SOX5: variants seen among roughly 807,000 people sequenced by gnomAD.
SOX5 encodes the protein SRY-box transcription factor 5.
SOX5 carries 9 observed loss-of-function variants against 92.0 expected under a neutral mutation model. The ratio of observed to expected loss-of-function variants is 0.10; its 90% CI spans 0.06 to 0.17. The LOEUF is 0.17. Ranked by LOEUF, SOX5 falls within the 10% of genes least tolerant of loss-of-function variation. The pLI is 1.00. For synonymous variants in SOX5, 344 were observed against 336.3 expected (o/e 1.02, Z -0.25); for missense variants, 642 against 944.5 (o/e 0.68, Z 4.20).
intron 3 of SOX5, among the ~76,000 whole-genome samples, chr12:24,254,718 A>AATATATATATATATATATATATAT (rs10556060): frequency 5.2e-4 from 76 of 146,664 alleles, no homozygotes; most frequent in East Asian, 2.8e-3. Context: ...GGGCTGCTCA[A>AATATATATATATATATATATATAT]ATATATATAT....
chr12:23,587,047 C>G (rs1736565335), intron 9 of SOX5, among the ~76,000 whole-genome samples: 1 of 151,292 alleles, frequency 6.6e-6, no homozygotes, highest in South Asian at 2.1e-4. Flanking sequence ...TACTTAAAGC[C>G]CAATATACTA....
At chr12:23,897,032 T>A (rs1015306669) in intron 1 of SOX5, among the ~76,000 whole-genome samples, 14 of 152,260 alleles carry the variant, frequency 9.2e-5, no homozygotes, top group African/African-American at 3.1e-4. Context: ...ATAGAAATAA[T>A]GACAAGTTAA....
intron 4 of SOX5, among the ~76,000 whole-genome samples, chr12:24,072,575 C>T (rs1476768850): frequency 6.6e-6 from 1 of 152,192 alleles, no homozygotes; most frequent in Non-Finnish European, 1.5e-5. Context: ...GGGATGACGG[C>T]TCTTGCCCAA....
At chr12:24,070,089 C>T (rs916829045) in intron 4 of SOX5, among the ~76,000 whole-genome samples, 14 of 152,202 alleles carry the variant, frequency 9.2e-5, no homozygotes, top group African/African-American at 3.1e-4. Context: ...CTGAGTTTGC[C>T]GCAACAACAC....
At chr12:24,121,774 T>C (rs1009963111) in intron 4 of SOX5, among the ~76,000 whole-genome samples, 7 of 149,368 alleles carry the variant, frequency 4.7e-5, no homozygotes, top group Admixed American at 2.7e-4. Flanking sequence ...TAGTCCAAGA[T>C]GTTTGGGAGG....
At chr12:24,064,771 G>A (rs1940373412) in intron 4 of SOX5, among the ~76,000 whole-genome samples, 1 of 152,110 alleles carries the variant, frequency 6.6e-6, no homozygotes, top group Non-Finnish European at 1.5e-5. Context: ...ACAGAATAAT[G>A]ATCATCTATA....
At chr12:23,549,390 G>T (rs1005601786) in intron 11 of SOX5, among the ~76,000 whole-genome samples, 1 of 151,668 alleles carries the variant, frequency 6.6e-6, no homozygotes, top group Non-Finnish European at 1.5e-5. Flanking sequence ...TAAAAATCAC[G>T]GCTCTGATAA....
rs781391946 is a variant in SOX5, at chr12:23,533,216, G to A, written c.*1003C>T. Reference sequence around the variant, plus strand: ...TGGGTTTAACTCACAATGGTCCAACGTTATTCCTATTATTAGTACCATAAT... The same window carrying A: ...TGGGTTTAACTCACAATGGTCCAACATTATTCCTATTATTAGTACCATAAT... On this transcript the variant is annotated 3_prime_UTR_variant, in exon 15 of 15. Coordinates refer to ENST00000451604, the MANE Select transcript of SOX5 (RefSeq NM_006940.6). 9 of 455,736 alleles carry A rather than the reference G, an allele frequency of 2.0e-5. No homozygotes were observed. Among genetic ancestry groups the A allele is most frequent in the East Asian group, 7.0e-5 (1 of 14,384 alleles). 28.2% of individuals were successfully genotyped at this position (455,736 alleles called of 1,614,324 possible). A position where few individuals can be genotyped will look rare whatever the true frequency, so the allele number is the denominator to read the frequency against.
At position 23,719,799 on chromosome 12, in the gene SOX5, A is replaced by C. The variant is rs2092708317; in HGVS notation, c.810+14885T>G. 1.3e-5 allele frequency among the ~76,000 whole-genome samples: 2 copies of C among 149,006 alleles called. 1 individual carries two copies. The highest frequency in any genetic ancestry group is 1.3e-4 in the Admixed American group (2 of 14,918). ...CCCCAGCTATTTACCAAAAAAAAAA[A>C]AAAAAAAAAAAACTGATGGATAGTT... On this transcript the variant is annotated intron_variant, in intron 6 of 14. Coordinates refer to ENST00000451604, the MANE Select transcript of SOX5 (RefSeq NM_006940.6).
At chr12:24,123,176 A>G (rs1392872745) in intron 4 of SOX5, among the ~76,000 whole-genome samples, 1 of 152,208 alleles carries the variant, frequency 6.6e-6, no homozygotes, top group Non-Finnish European at 1.5e-5. Context: ...ATTTCTTCCT[A>G]TTCACTAGCA....
At chr12:23,543,966 A>C (rs997736991) in intron 12 of SOX5, among the ~76,000 whole-genome samples, 3 of 152,242 alleles carry the variant, frequency 2.0e-5, no homozygotes, top group Non-Finnish European at 4.4e-5. Context: ...TGACAAATGC[A>C]TGACATATGC....
At chr12:24,543,326 G>T (rs1264806129) in intron 1 of SOX5, among the ~76,000 whole-genome samples, 6 of 152,224 alleles carry the variant, frequency 3.9e-5, no homozygotes, top group African/African-American at 7.2e-5. Flanking sequence ...AATAAAAAAG[G>T]TTTAAATGAA....
chr12:24,211,630 T>C (rs577431620), intron 4 of SOX5, among the ~76,000 whole-genome samples: 3 of 152,364 alleles, frequency 2.0e-5, no homozygotes, highest in East Asian at 3.9e-4. Context: ...CAATGTAGTA[T>C]ACAGAATGAT....
Position 24,551,426 on chromosome 12 carries a change from C to T in SOX5, c.-251+10903G>A, listed in dbSNP as rs551371562. ...GTTTTATGAAGATTTATTATTTTCA[C>T]GATCACCAGTCTATTGGCTAGCATC... On this transcript the variant is annotated intron_variant, in intron 1 of 4. Coordinates refer to the SOX5 transcript ENST00000446891. Among the ~76,000 whole-genome samples, 8 of 152,282 alleles carry T rather than the reference C, an allele frequency of 5.3e-5. 1 individual carries two copies. In the South Asian group the frequency reaches 1.0e-3, roughly 20 times the overall value.
chr12:23,671,638 G>T (rs1327967584), intron 6 of SOX5, among the ~76,000 whole-genome samples: 1 of 152,100 alleles, frequency 6.6e-6, no homozygotes, highest in Admixed American at 6.6e-5. Flanking sequence ...AAGTCAATTT[G>T]TCAGTTTATC....
chr12:24,075,275 A>AT (rs1311225005), intron 4 of SOX5, among the ~76,000 whole-genome samples: 3 of 60,714 alleles, frequency 4.9e-5, no homozygotes, highest in Admixed American at 5.0e-4. Context: ...GTCTCAAATT[A>AT]TTAAAAAAAA....
intron 4 of SOX5, among the ~76,000 whole-genome samples, chr12:24,044,806 G>A (rs1956842330): frequency 6.6e-6 from 1 of 152,176 alleles, no homozygotes; most frequent in African/African-American, 2.4e-5. Flanking sequence ...CATGTAGCAA[G>A]CACTCAAGAA....
chr12:23,536,838 T>A (rs1225861160), intron 13 of SOX5, among the ~76,000 whole-genome samples, 169 bp from the exon 14 acceptor site: 1 of 152,162 alleles, frequency 6.6e-6, no homozygotes, highest in East Asian at 1.9e-4. Flanking sequence ...TGGTGGTGGT[T>A]TTGTACCTAA....
intron 2 of SOX5, among the ~76,000 whole-genome samples, chr12:23,846,663 T>C (rs1308333093): frequency 2.0e-5 from 3 of 152,202 alleles, no homozygotes; most frequent in Non-Finnish European, 4.4e-5. Context: ...TTACACACAA[T>C]TTATGTTCAT....
Sources: allele counts gnomAD v4.1 joint callset (sites outside exome capture counted in the v4.1 genomes callset), GRCh38; gene constraint gnomAD v4.1.1; transcripts MANE v1.5; gene names NCBI Gene and HGNC (gene_info 2026-07-23, HGNC 2026-07-21).